The following PAM variants were observed in gnomAD, a reference collection of about 807,000 sequenced individuals.
The protein encoded by PAM is peptidylglycine alpha-amidating monooxygenase.
In PAM, 72 loss-of-function variants were observed where a neutral mutation model predicts 122.1. That is an observed-to-expected ratio of 0.59 (90% confidence interval 0.49 to 0.72). The LOEUF (loss-of-function observed/expected upper bound fraction) is 0.72, where lower values mean the gene tolerates loss of function less well. PAM is among the 30% of genes least tolerant of loss of function. The probability of loss-of-function intolerance (pLI) is 0.00; values close to 1 mark genes in which losing one functional copy is unlikely to be tolerated. For synonymous variants in PAM, 389 were observed against 404.4 expected, an observed-to-expected ratio of 0.96 and a Z score of 0.46; for missense variants, 1,106 against 1,183.7, an observed-to-expected ratio of 0.93 and a Z score of 0.96.
intron 24 of PAM, among the ~76,000 whole-genome samples, chr5:103,026,798 G>T (rs529579130): frequency 6.6e-6 from 1 of 152,194 alleles, no homozygotes; most frequent in African/African-American, 2.4e-5. Context: ...GGTGGTAAGT[G>T]CAGTGATAAA....
At chr5:102,842,853 A>C (rs1301194721) in intron 1 of PAM, among the ~76,000 whole-genome samples, 6 of 152,222 alleles carry the variant, frequency 3.9e-5, no homozygotes. Context: ...CCATACTTTG[A>C]GAGAAACATA....
At chr5:102,782,717 C>CTGTGTGTGTGTGTGTG (rs1222031698) in intron 1 of PAM, among the ~76,000 whole-genome samples, 1 of 146,766 alleles carries the variant, frequency 6.8e-6, no homozygotes, top group African/African-American at 2.6e-5. Flanking sequence ...CTCTCTCTCT[C>CTGTGTGTGTGTGTGTG]TCTCTCTCTG....
chr5:102,845,881 G>T (rs1167722930), intron 1 of PAM, among the ~76,000 whole-genome samples: 1 of 152,122 alleles, frequency 6.6e-6, no homozygotes, highest in Non-Finnish European at 1.5e-5. Context: ...AAATTATGTG[G>T]TATTTCAAAA....
intron 1 of PAM, among the ~76,000 whole-genome samples, chr5:102,765,479 T>C (rs914170156): frequency 2.6e-5 from 4 of 152,196 alleles, no homozygotes; most frequent in Admixed American, 6.5e-5. Context: ...TTTCACATAG[T>C]GTAGAGTCAT....
rs775245779 is a variant in PAM at position 102,961,146 on chromosome 5, G to T, written c.1091-12G>T. 7.0e-7 allele frequency: 1 copy of T among 1,432,786 alleles called. No individual in the cohort carries two copies. The allele number at this position is 1,432,786 out of a possible 1,614,324, so 88.8% of individuals were successfully genotyped here. A position where few individuals can be genotyped will look rare whatever the true frequency, so the allele number is the denominator to read the frequency against. Reference sequence around the variant, plus strand: ...CTGCAAATTTATGCTCAGCTTCTTTGATCCTTTACAGAAACAGAATATAAA... The same window carrying T: ...CTGCAAATTTATGCTCAGCTTCTTTTATCCTTTACAGAAACAGAATATAAA... On this transcript the variant is annotated splice_polypyrimidine_tract_variant and intron_variant, in intron 13 of 25. Coordinates refer to ENST00000438793, the MANE Select transcript of PAM (RefSeq NM_001177306.2).
chr5:102,988,134 C>T (rs1302484635), intron 15 of PAM, among the ~76,000 whole-genome samples: 2 of 152,142 alleles, frequency 1.3e-5, no homozygotes, highest in African/African-American at 2.4e-5. Context: ...ACCTGACATA[C>T]ACACGTATCC....
At chr5:102,796,221 A>G (rs1399359023) in intron 1 of PAM, among the ~76,000 whole-genome samples, 1 of 152,276 alleles carries the variant, frequency 6.6e-6, no homozygotes, top group East Asian at 1.9e-4. Context: ...ATAGTCTGTG[A>G]GCTCCATGGG....
chr5:102,942,559 AG>A (rs1481072492), intron 7 of PAM, among the ~76,000 whole-genome samples: 1 of 151,770 alleles, frequency 6.6e-6, no homozygotes, highest in African/African-American at 2.4e-5. Context: ...GATACAGTTT[AG>A]AATTATTTGC....
At chr5:102,898,980 T>C (rs1796937927) in intron 3 of PAM, among the ~76,000 whole-genome samples, 1 of 151,462 alleles carries the variant, frequency 6.6e-6, no homozygotes. Context: ...TCATGGAAAA[T>C]AACTATGATA....
intron 22 of PAM, among the ~76,000 whole-genome samples, chr5:103,017,900 T>G (rs903933425): frequency 1.3e-5 from 2 of 152,160 alleles, no homozygotes; most frequent in African/African-American, 4.8e-5. Context: ...CTGCTTGGAC[T>G]TCAGCTTTCC....
chr5:102,958,394 T>C (rs1761458362), intron 12 of PAM, among the ~76,000 whole-genome samples: 1 of 152,214 alleles, frequency 6.6e-6, no homozygotes, highest in South Asian at 2.1e-4. Context: ...CCTCCTTTTT[T>C]TTAAAGCAGG....
chr5:102,887,391 G>A (rs368014734), intron 3 of PAM, among the ~76,000 whole-genome samples: 2 of 151,966 alleles, frequency 1.3e-5, no homozygotes, highest in East Asian at 3.9e-4. Flanking sequence ...GCCCTTACCA[G>A]ATGCAGCTAC....
At chr5:102,899,089 C>A (rs1210941386) in intron 3 of PAM, among the ~76,000 whole-genome samples, 2 of 151,508 alleles carry the variant, frequency 1.3e-5, no homozygotes, top group Non-Finnish European at 3.0e-5. Context: ...CTCCCTTTAC[C>A]CCACCTCTCT....
At chr5:102,796,638 T>C (rs926950869) in intron 1 of PAM, among the ~76,000 whole-genome samples, 2 of 152,220 alleles carry the variant, frequency 1.3e-5, no homozygotes, top group Non-Finnish European at 2.9e-5. Context: ...TTCATTCAAC[T>C]CTCTTTGTAC....
chr5:102,974,192 A>C lies in PAM; in HGVS notation c.1239A>C (p.Thr413=), dbSNP rs1766844549. The C allele has an allele frequency of 1.9e-6, 3 of 1,613,770 alleles. No homozygotes were observed. Among genetic ancestry groups the C allele is most frequent in the Admixed American group, 3.3e-5 (2 of 59,974 alleles). Residue 413 remains threonine (T), a synonymous_variant, in exon 15 of 26, where the codon ACA becomes ACC. Transcript: ENST00000438793. The part of the protein sequence containing the change: ...DVVHVHKYNP[T]EKAESESDLV... ...TTCATGTGCACAAATATAATCCTAC[A>C]GAAAAGGCAGAATCAGAGTCAGACC...
intron 7 of PAM, among the ~76,000 whole-genome samples, chr5:102,943,678 G>T (rs1327792232): frequency 6.6e-6 from 1 of 152,162 alleles, no homozygotes; most frequent in Non-Finnish European, 1.5e-5. Context: ...TAATCTCTGT[G>T]ACCTCTTTTT....
chr5:102,915,295 G>A (rs1003485118), intron 5 of PAM, among the ~76,000 whole-genome samples: 1 of 151,984 alleles, frequency 6.6e-6, no homozygotes, highest in East Asian at 1.9e-4. Flanking sequence ...CTCTCTTGTC[G>A]TTTTTGTAAT....
At chr5:102,919,266 A>G (rs1746517666) in intron 5 of PAM, among the ~76,000 whole-genome samples, 1 of 152,070 alleles carries the variant, frequency 6.6e-6, no homozygotes, top group Non-Finnish European at 1.5e-5. Flanking sequence ...CATTATATAT[A>G]TATATATGCC....
chr5:102,978,909 A>G (rs142142743), intron 15 of PAM, among the ~76,000 whole-genome samples: 240 of 152,078 alleles, frequency 1.6e-3, no homozygotes, highest in Middle Eastern at 6.8e-3. Context: ...TTCATTAGAA[A>G]GGAAGAAAGT....
Sources: allele counts gnomAD v4.1 joint callset (sites outside exome capture counted in the v4.1 genomes callset), GRCh38; gene constraint gnomAD v4.1.1; transcripts MANE v1.5; gene names NCBI Gene and HGNC (gene_info 2026-07-23, HGNC 2026-07-21).